SLC10A7: variants seen among roughly 807,000 people sequenced by gnomAD.
The protein encoded by SLC10A7 is solute carrier family 10 member 7.
Under a neutral mutation model 43.2 loss-of-function variants are expected in SLC10A7, and 29 were observed. The observed-to-expected ratio is 0.67, with a 90% confidence interval of 0.50 to 0.92. SLC10A7 has a LOEUF of 0.92. Ranked by LOEUF, SLC10A7 falls within the 40% of genes least tolerant of loss-of-function variation. The probability of loss-of-function intolerance (pLI) is 0.00; values close to 1 mark genes in which losing one functional copy is unlikely to be tolerated. For missense variants in SLC10A7, 295 were observed against 403.2 expected (o/e 0.73, Z 2.30); for synonymous variants, 152 against 144.8 (o/e 1.05, Z -0.35).
chr4:146,467,664 G>A (rs1434715911), intron 4 of SLC10A7, among the ~76,000 whole-genome samples: 2 of 140,706 alleles, frequency 1.4e-5, no homozygotes, highest in African/African-American at 5.3e-5. Context: ...CCAGGTTCAA[G>A]TGATTCTTGT....
intron 6 of SLC10A7, among the ~76,000 whole-genome samples, chr4:146,309,787 T>C (rs1731835164): frequency 6.6e-6 from 1 of 152,170 alleles, no homozygotes; most frequent in Non-Finnish European, 1.5e-5. Context: ...CACTTTCATG[T>C]GACAGACACT....
intron 4 of SLC10A7, among the ~76,000 whole-genome samples, chr4:146,502,160 A>G (rs1362257566): frequency 2.0e-5 from 3 of 152,224 alleles, no homozygotes; most frequent in Admixed American, 6.5e-5. Flanking sequence ...AAGATACTCA[A>G]TATCACTGGG....
At chr4:146,519,515 T>C (rs542771338) in intron 1 of SLC10A7, among the ~76,000 whole-genome samples, 7 of 152,066 alleles carry the variant, frequency 4.6e-5, no homozygotes, top group African/African-American at 1.7e-4. Context: ...AGAAGGCAAG[T>C]GCAAAAGGCA....
intron 5 of SLC10A7, among the ~76,000 whole-genome samples, chr4:146,347,682 T>C (rs1734719813): frequency 6.6e-6 from 1 of 152,168 alleles, no homozygotes; most frequent in Non-Finnish European, 1.5e-5. Flanking sequence ...ATTCAAAGAC[T>C]AAAAACCCTC....
intron 4 of SLC10A7, among the ~76,000 whole-genome samples, chr4:146,454,679 C>T (rs1320261189): frequency 1.3e-5 from 2 of 151,758 alleles, no homozygotes; most frequent in African/African-American, 4.8e-5. Flanking sequence ...TTTAGGCAAA[C>T]TTTGAACAAT....
intron 5 of SLC10A7, among the ~76,000 whole-genome samples, chr4:146,383,074 G>T (rs1002619056): frequency 1.3e-5 from 2 of 151,986 alleles, no homozygotes; most frequent in Non-Finnish European, 2.9e-5. Context: ...CTTATCTATT[G>T]TGACCTGCAG....
At chr4:146,437,667 C>T (rs1730308777) in intron 5 of SLC10A7, among the ~76,000 whole-genome samples, 2 of 152,020 alleles carry the variant, frequency 1.3e-5, no homozygotes, top group Non-Finnish European at 2.9e-5. Context: ...CCCCATAAAC[C>T]ATAAACTAAA....
At chr4:146,314,194 G>A (rs780806803) in intron 6 of SLC10A7, among the ~76,000 whole-genome samples, 4 of 152,098 alleles carry the variant, frequency 2.6e-5, no homozygotes, top group Non-Finnish European at 4.4e-5. Flanking sequence ...AGTCATGCCT[G>A]TTACGTGGGA....
chr4:146,449,186 G>A (rs1731360595), intron 4 of SLC10A7, among the ~76,000 whole-genome samples: 1 of 152,158 alleles, frequency 6.6e-6, no homozygotes, highest in South Asian at 2.1e-4. Context: ...GGGTGACAGG[G>A]ATAGGGAGGG....
chr4:146,290,296 C>T (rs1288766738), intron 9 of SLC10A7, among the ~76,000 whole-genome samples: 1 of 141,576 alleles, frequency 7.1e-6, no homozygotes, highest in Non-Finnish European at 1.5e-5. Flanking sequence ...TGCACTCCAG[C>T]CTGGGCGATA....
chr4:146,351,276 G>T lies in SLC10A7; in HGVS notation c.436-25280C>A, dbSNP rs1342343867. Among the ~76,000 whole-genome samples, 9 of 150,300 alleles carry T rather than the reference G, an allele frequency of 6.0e-5. No homozygotes were observed. In the South Asian group the frequency reaches 1.5e-3, roughly 25 times the overall value. On this transcript the variant is annotated intron_variant, in intron 5 of 11. Coordinates refer to ENST00000335472, the MANE Select transcript of SLC10A7 (RefSeq NM_001029998.6). ...CTGATACGATCAACTGGAAGAAAGG[G>T]TATCAGCAATGGAAGATGAAATGAA...
intron 1 of SLC10A7, among the ~76,000 whole-genome samples, chr4:146,519,345 C>T (rs1738401968): frequency 7.0e-6 from 1 of 143,262 alleles, no homozygotes; most frequent in African/African-American, 2.6e-5. Flanking sequence ...ATAATATTAT[C>T]TATATATAGA....
chr4:146,309,221 T>C (rs1412565780), intron 6 of SLC10A7, among the ~76,000 whole-genome samples: 1 of 152,144 alleles, frequency 6.6e-6, no homozygotes, highest in Non-Finnish European at 1.5e-5. Flanking sequence ...TTGTGAACCA[T>C]TGTTCTGTGT....
At chr4:146,521,141 T>G (rs1738595740) in intron 1 of SLC10A7, among the ~76,000 whole-genome samples, 1 of 151,724 alleles carries the variant, frequency 6.6e-6, no homozygotes, top group African/African-American at 2.4e-5. Flanking sequence ...AAATCATCAC[T>G]CTCCAACATG....
At chr4:146,375,975 T>C (rs1480157831) in intron 5 of SLC10A7, among the ~76,000 whole-genome samples, 1 of 152,164 alleles carries the variant, frequency 6.6e-6, no homozygotes, top group Non-Finnish European at 1.5e-5. Flanking sequence ...GACCCCCTTC[T>C]CAGGTTTGAT....
At chr4:146,452,063 C>T (rs191455219) in intron 4 of SLC10A7, among the ~76,000 whole-genome samples, 2 of 152,204 alleles carry the variant, frequency 1.3e-5, no homozygotes, top group South Asian at 2.1e-4. Flanking sequence ...TGAAGCCTGA[C>T]ACCACCATGT....
chr4:146,442,783 CA>C lies in SLC10A7; in HGVS notation c.434del (p.Leu145TrpfsTer5). The C allele has an allele frequency of 6.2e-7, 1 of 1,601,092 alleles. No homozygotes were observed. The highest frequency in any genetic ancestry group is 8.5e-7 in the Non-Finnish European group (1 of 1,175,998). ...AIFNSAFGSF[L>X]GIVITPLLLL... ...GACAAGTTAAACTATGTTTACTTAC[CA>C]AAAAACTTCCAAAGGCTGAATTAAA... On this transcript the variant is annotated frameshift_variant and splice_region_variant, in exon 5 of 12. Coordinates refer to ENST00000335472, the MANE Select transcript of SLC10A7 (RefSeq NM_001029998.6). LOFTEE classifies it high-confidence loss of function.
chr4:146,403,086 A>G (rs1336774264), intron 5 of SLC10A7, among the ~76,000 whole-genome samples: 1 of 152,214 alleles, frequency 6.6e-6, no homozygotes, highest in African/African-American at 2.4e-5. Flanking sequence ...ACCTGCCACA[A>G]AGAATCCACT....
chr4:146,511,400 CA>C (rs1191925037), intron 2 of SLC10A7, among the ~76,000 whole-genome samples: 3 of 152,114 alleles, frequency 2.0e-5, no homozygotes, highest in Non-Finnish European at 4.4e-5. Context: ...TCAACTATGC[CA>C]GAGAGTTACT....
Sources: gnomAD v4.1 joint callset for allele counts (sites outside exome capture counted in the v4.1 genomes callset) on GRCh38, gnomAD v4.1.1 for gene constraint, MANE v1.5 for transcripts, NCBI Gene and HGNC (gene_info 2026-07-23, HGNC 2026-07-21) for gene names.